Variants in ATP10B observed in about 807,000 individuals in gnomAD.
The protein encoded by ATP10B is ATPase phospholipid transporting 10B (putative).
Under a neutral mutation model 141.2 loss-of-function variants are expected in ATP10B, and 122 were observed. The observed-to-expected ratio is 0.86, with a 90% CI of 0.75 to 1.00. The LOEUF (loss-of-function observed/expected upper bound fraction) is 1.00. ATP10B is among the 50% of genes least tolerant of loss of function. The probability of loss-of-function intolerance (pLI) is 0.00; values close to 1 mark genes in which losing one functional copy is unlikely to be tolerated. For missense variants in ATP10B, 1,876 were observed against 1,825.3 expected, an observed-to-expected ratio of 1.03 and a Z score of -0.51; for synonymous variants, 685 against 692.0, an observed-to-expected ratio of 0.99 and a Z score of 0.16.
At chr5:160,600,220 T>C (rs1757026043) in intron 21 of ATP10B, among the ~76,000 whole-genome samples, 1 of 152,192 alleles carries the variant, frequency 6.6e-6, no homozygotes, top group Admixed American at 6.5e-5. Flanking sequence ...ATATTAACAT[T>C]ATTAGGCCCA....
upstream of ATP10B, chr5:160,852,302 C>T (rs186579032): frequency 5.3e-5 from 8 of 152,282 alleles, no homozygotes; most frequent in African/African-American, 1.9e-4. Flanking sequence ...CATTGTTAGA[C>T]ATGGTTCTTG....
chr5:160,571,198 T>C (rs1754854988), intron 24 of ATP10B, among the ~76,000 whole-genome samples: 1 of 152,154 alleles, frequency 6.6e-6, no homozygotes, highest in Non-Finnish European at 1.5e-5. Flanking sequence ...ATTAAATGTT[T>C]GTCAGACCAC....
chr5:160,877,064 C>T, the ATP10B span, among the ~76,000 whole-genome samples: 17 of 152,108 alleles, frequency 1.1e-4, no homozygotes, highest in Non-Finnish European at 2.5e-4. Context: ...GATACCAAAG[C>T]CGGACAGAGA....
chr5:160,761,793 G>A (rs1168896665), intron 2 of ATP10B, among the ~76,000 whole-genome samples: 1 of 151,772 alleles, frequency 6.6e-6, no homozygotes, highest in African/African-American at 2.4e-5. Flanking sequence ...ACTAAAGGAG[G>A]TATCAGAGAA....
chr5:160,797,451 T>C (rs532599873), intron 1 of ATP10B, among the ~76,000 whole-genome samples: 40 of 152,288 alleles, frequency 2.6e-4, no homozygotes, highest in African/African-American at 9.6e-4. Context: ...GTCTCTCTCT[T>C]CTTGAACTTA....
intron 2 of ATP10B, among the ~76,000 whole-genome samples, chr5:160,743,685 A>G (rs1465162069): frequency 2.0e-5 from 3 of 152,214 alleles, no homozygotes; most frequent in Admixed American, 6.5e-5. Flanking sequence ...ACAAAAATAC[A>G]TTGAGTTAAA....
intron 7 of ATP10B, among the ~76,000 whole-genome samples, chr5:160,663,530 A>G (rs568828385): frequency 6.6e-6 from 1 of 152,298 alleles, no homozygotes; most frequent in African/African-American, 2.4e-5. Flanking sequence ...TCAGCAAACT[A>G]TCGCAAGGAC....
chr5:160,569,515 C>CTGGTGTG lies in ATP10B; in HGVS notation c.3912_3918dup (p.Val1307HisfsTer31). 1 of 1,613,836 alleles carries CTGGTGTG rather than the reference C, an allele frequency of 6.2e-7. No individual in the cohort carries two copies. Among genetic ancestry groups the CTGGTGTG allele is most frequent in the Non-Finnish European group, 8.5e-7 (1 of 1,179,852 alleles). On this transcript the variant is annotated frameshift_variant, in exon 25 of 26. Coordinates refer to ENST00000327245, the MANE Select transcript of ATP10B (RefSeq NM_025153.3). LOFTEE classifies it low-confidence loss of function (END_TRUNC). Reference sequence around the variant, plus strand: ...TCAAACCTTGGGAGAAGAGCAACAACTGGTGTGAGAAAGCAGACGAGGTAG... The same window carrying CTGGTGTG: ...TCAAACCTTGGGAGAAGAGCAACAACTGGTGTGTGGTGTGAGAAAGCAGACGAGGTAG...
At chr5:160,893,641 C>T in the ATP10B span, among the ~76,000 whole-genome samples, 1 of 152,332 alleles carries the variant, frequency 6.6e-6, no homozygotes, top group East Asian at 1.9e-4. Flanking sequence ...AATATTCCTG[C>T]CTGCCAGCTC....
intron 1 of ATP10B, among the ~76,000 whole-genome samples, chr5:160,790,343 G>T (rs1440362435): frequency 1.3e-5 from 2 of 152,088 alleles, no homozygotes; most frequent in African/African-American, 4.8e-5. Flanking sequence ...TGTTGATTAG[G>T]CTATTTTAGG....
intron 24 of ATP10B, among the ~76,000 whole-genome samples, chr5:160,585,908 CT>C (rs968631758): frequency 6.6e-6 from 1 of 152,074 alleles, no homozygotes. Context: ...CTGGCTATGC[CT>C]TTTTTTGTCT....
rs1051731998 is a variant in ATP10B, at chr5:160,564,899, T to G, written c.*554A>C. ...GTAGTAGCTTTTTAGATGTGGCTTT[T>G]CTTTGGCTTACAGGCAAAAAGCAGA... On this transcript the variant is annotated 3_prime_UTR_variant, in exon 26 of 26. Transcript: ENST00000327245. 3 of 152,968 alleles carry G rather than the reference T, an allele frequency of 2.0e-5. No homozygotes were observed. Among genetic ancestry groups the G allele is most frequent in the Non-Finnish European group, 4.4e-5 (3 of 68,672 alleles). 9.5% of individuals were successfully genotyped at this position (152,968 alleles called of 1,614,324 possible). A position where few individuals can be genotyped will look rare whatever the true frequency, so the allele number is the denominator to read the frequency against.
chr5:160,875,333 C>A, the ATP10B span, among the ~76,000 whole-genome samples: 3 of 86,446 alleles, frequency 3.5e-5, no homozygotes, highest in Non-Finnish European at 9.1e-5. Context: ...CAAGCAAATG[C>A]TGAGAGATTT....
At chr5:160,632,615 C>A in intron 12 of ATP10B, 6 of 259,262 alleles carry the variant, frequency 2.3e-5, no homozygotes, top group Non-Finnish European at 2.7e-5. Flanking sequence ...TTTATTTCCT[C>A]AGAGGTTTTT....
At chr5:160,734,708 A>G (rs1342608920) in intron 2 of ATP10B, among the ~76,000 whole-genome samples, 2 of 152,064 alleles carry the variant, frequency 1.3e-5, no homozygotes, top group Non-Finnish European at 2.9e-5. Context: ...ACAACAAAAG[A>G]ACACATTGAA....
intron 24 of ATP10B, among the ~76,000 whole-genome samples, chr5:160,584,492 C>T (rs1755761367): frequency 2.6e-5 from 4 of 152,156 alleles, no homozygotes; most frequent in Non-Finnish European, 5.9e-5. Context: ...TCTCGCCAGC[C>T]ACCCCTGCTC....
chr5:160,751,154 AG>A (rs982288283), intron 2 of ATP10B, among the ~76,000 whole-genome samples: 2 of 152,222 alleles, frequency 1.3e-5, no homozygotes, highest in African/African-American at 4.8e-5. Flanking sequence ...GCACAGCACC[AG>A]GCCTGAAGTG....
intron 2 of ATP10B, among the ~76,000 whole-genome samples, chr5:160,749,761 T>A (rs1768036301): frequency 6.6e-6 from 1 of 152,142 alleles, no homozygotes; most frequent in African/African-American, 2.4e-5. Context: ...CTGGACTTCC[T>A]GGAAGAAAGA....
chr5:160,919,024 G>T, the ATP10B span, among the ~76,000 whole-genome samples: 1 of 150,634 alleles, frequency 6.6e-6, no homozygotes, highest in African/African-American at 2.5e-5. Context: ...AGGAGATCAA[G>T]ACCATCCTGG....
Sources: allele counts gnomAD v4.1 joint callset (sites outside exome capture counted in the v4.1 genomes callset), GRCh38; gene constraint gnomAD v4.1.1; transcripts MANE v1.5; gene names NCBI Gene and HGNC (gene_info 2026-07-23, HGNC 2026-07-21).